The following BCHE variants were observed in gnomAD, a reference collection of about 807,000 sequenced individuals.
The protein encoded by BCHE is butyrylcholinesterase.
BCHE carries 48 observed loss-of-function variants against 51.3 expected under a neutral mutation model. That is an observed-to-expected ratio of 0.94 (90% CI 0.74 to 1.19). BCHE has a LOEUF of 1.19. BCHE is among the 50% of genes most tolerant of loss of function. The pLI, the probability that BCHE is intolerant of heterozygous loss-of-function variation, is 0.00. For synonymous variants in BCHE, 251 were observed against 238.0 expected (o/e 1.05, Z -0.50); for missense variants, 847 against 708.2 (o/e 1.20, Z -2.23).
intron 2 of BCHE, among the ~76,000 whole-genome samples, chr3:165,802,192 C>T (rs568498670): frequency 2.0e-5 from 3 of 152,098 alleles, no homozygotes; most frequent in South Asian, 2.1e-4. Context: ...ATTATCAGAG[C>T]GTATTTATCC....
At chr3:165,784,860 T>C (rs920680139) in intron 3 of BCHE, among the ~76,000 whole-genome samples, 20 of 151,792 alleles carry the variant, frequency 1.3e-4, no homozygotes, top group Non-Finnish European at 2.9e-5. Flanking sequence ...TAATATATAG[T>C]ATGTGATATG....
chr3:165,782,897 C>T (rs3863086), intron 3 of BCHE, among the ~76,000 whole-genome samples: 8,652 of 151,874 alleles, frequency 0.057, 330 homozygotes, highest in African/African-American at 0.091. Context: ...TTTAAACAGG[C>T]TTTTTCTCCA....
chr3:165,806,811 T>C lies in BCHE; in HGVS notation c.1518-20500A>G, dbSNP rs1169456726. On this transcript the variant is annotated intron_variant, in intron 2 of 3. Coordinates refer to ENST00000264381, the MANE Select transcript of BCHE (RefSeq NM_000055.4). ...ATGAAGTATTATTCTAATTGTTTAA[T>C]GGCCATATTTGGTTCTCTTTATGAC... is the stretch of plus-strand genomic sequence containing the variant. Among the ~76,000 whole-genome samples the C allele has an allele frequency of 4.6e-5, 7 of 152,260 alleles. No individual in the cohort carries two copies. In the East Asian group the frequency reaches 1.4e-3, roughly 29 times the overall value.
chr3:165,829,316 C>G (rs1459440459), intron 2 of BCHE, among the ~76,000 whole-genome samples: 1 of 151,926 alleles, frequency 6.6e-6, no homozygotes, highest in Non-Finnish European at 1.5e-5. Flanking sequence ...TATAAAATTT[C>G]TAAGATGATG....
intron 2 of BCHE, among the ~76,000 whole-genome samples, chr3:165,820,105 T>C (rs1218188397): frequency 6.6e-6 from 1 of 152,098 alleles, no homozygotes; most frequent in Non-Finnish European, 1.5e-5. Flanking sequence ...TTATACTGAG[T>C]GCATTAGTTT....
At chr3:165,796,342 A>C (rs1266471519) in intron 2 of BCHE, among the ~76,000 whole-genome samples, 1 of 152,182 alleles carries the variant, frequency 6.6e-6, no homozygotes, top group East Asian at 1.9e-4. Flanking sequence ...AAATAAAAAC[A>C]CACACAAAAA....
At chr3:165,795,760 C>T (rs1437331287) in intron 2 of BCHE, among the ~76,000 whole-genome samples, 2 of 152,070 alleles carry the variant, frequency 1.3e-5, no homozygotes, top group Admixed American at 6.6e-5. Flanking sequence ...TGCAAAAATT[C>T]ATAAATTAAC....
intron 2 of BCHE, among the ~76,000 whole-genome samples, chr3:165,823,934 CTT>C (rs33928098): frequency 0.072 from 9,530 of 132,698 alleles, 436 homozygotes; most frequent in East Asian, 0.14. Flanking sequence ...ACCCAACCAA[CTT>C]TTTTTTTTTT....
intron 2 of BCHE, among the ~76,000 whole-genome samples, chr3:165,786,886 T>C (rs1399528058): frequency 6.6e-6 from 1 of 151,776 alleles, no homozygotes; most frequent in Admixed American, 6.6e-5. Flanking sequence ...TTTCAATAAT[T>C]CTTAAGTGGT....
At chr3:165,776,374 G>T (rs1712471894) in intron 3 of BCHE, among the ~76,000 whole-genome samples, 1 of 151,874 alleles carries the variant, frequency 6.6e-6, no homozygotes, top group African/African-American at 2.4e-5. Context: ...AAAGAATAAT[G>T]CTGCCACCAA....
At chr3:165,794,407 ATTG>A (rs1252632802) in intron 2 of BCHE, among the ~76,000 whole-genome samples, 2 of 152,196 alleles carry the variant, frequency 1.3e-5, no homozygotes, top group Non-Finnish European at 2.9e-5. Context: ...AATATCATAC[ATTG>A]GATAGCTTAC....
intron 1 of BCHE, among the ~76,000 whole-genome samples, chr3:165,832,834 T>C (rs112262451): frequency 0.033 from 5,001 of 152,194 alleles, 296 homozygotes; most frequent in African/African-American, 0.11. Flanking sequence ...AGAGAATAAA[T>C]AACTATTCTA....
chr3:165,804,030 C>G (rs1447395721), intron 2 of BCHE, among the ~76,000 whole-genome samples: 1 of 146,844 alleles, frequency 6.8e-6, no homozygotes, highest in African/African-American at 2.5e-5. Flanking sequence ...ACAAAGGAGA[C>G]TAAAATGGTA....
At chr3:165,832,728 A>C (rs1182461287) in intron 1 of BCHE, among the ~76,000 whole-genome samples, 4 of 152,208 alleles carry the variant, frequency 2.6e-5, no homozygotes, top group African/African-American at 9.6e-5. Flanking sequence ...TAGGTTGCTG[A>C]AATCCAACCT....
rs572347264 is a variant in BCHE, at chr3:165,820,168, C to T, written c.1517+9349G>A. On this transcript the variant is annotated intron_variant, in intron 2 of 3. Coordinates refer to ENST00000264381, the MANE Select transcript of BCHE (RefSeq NM_000055.4). ...CTGAAATACTTGATCAAACATATCT[C>T]AGTTTTATAGCTCTCTTTGTAGATT... is the stretch of plus-strand genomic sequence containing the variant. Among the ~76,000 whole-genome samples the T allele has an allele frequency of 4.0e-5, 6 of 148,372 alleles. No individual in the cohort carries two copies. The East Asian group carries it at 1.2e-3, about 31-fold the overall frequency.
intron 2 of BCHE, among the ~76,000 whole-genome samples, chr3:165,821,740 T>A (rs1466277305): frequency 6.6e-6 from 1 of 151,908 alleles, no homozygotes; most frequent in Admixed American, 6.6e-5. Context: ...AATTTCTGAT[T>A]ATTACAATTA....
intron 3 of BCHE, chr3:165,778,374 G>A (rs1712553727): frequency 6.1e-6 from 1 of 164,892 alleles, no homozygotes. Context: ...TTACAATCTA[G>A]ACTCTAAGAA....
At chr3:165,809,899 C>T (rs1714027273) in intron 2 of BCHE, among the ~76,000 whole-genome samples, 1 of 152,114 alleles carries the variant, frequency 6.6e-6, no homozygotes, top group African/African-American at 2.4e-5. Context: ...TATTATCATA[C>T]TAAGAATTAT....
intron 2 of BCHE, among the ~76,000 whole-genome samples, chr3:165,809,405 T>C (rs1359796482): frequency 6.6e-6 from 1 of 151,036 alleles, no homozygotes; most frequent in African/African-American, 2.5e-5. Context: ...TGTTCATGTG[T>C]TTTTTTTGTA....
Sources: allele counts gnomAD v4.1 joint callset (sites outside exome capture counted in the v4.1 genomes callset), GRCh38; gene constraint gnomAD v4.1.1; transcripts MANE v1.5; gene names NCBI Gene and HGNC (gene_info 2026-07-23, HGNC 2026-07-21).